Variants in CSRNP3 observed in about 807,000 individuals in gnomAD.
CSRNP3 encodes the protein cysteine and serine rich nuclear protein 3.
A neutral mutation model predicts 48.0 loss-of-function variants in CSRNP3; 12 were observed. The observed-to-expected ratio is 0.25, with a 90% CI of 0.16 to 0.41. The LOEUF is 0.41. Ranked by LOEUF, CSRNP3 falls within the 10% of genes least tolerant of loss-of-function variation. The pLI, the probability that CSRNP3 is intolerant of heterozygous loss-of-function variation, is 1.00. For synonymous variants in CSRNP3, 263 were observed against 269.7 expected (o/e 0.98, Z 0.24); for missense variants, 580 against 724.4 (o/e 0.80, Z 2.29).
chr2:165,639,059 CA>C (rs1301796400), intron 4 of CSRNP3, among the ~76,000 whole-genome samples: 1 of 152,150 alleles, frequency 6.6e-6, no homozygotes, highest in African/African-American at 2.4e-5. Context: ...GATTGATTAA[CA>C]TTAAACTTAT....
chr2:165,472,632 A>G (rs868821126), intron 1 of CSRNP3, among the ~76,000 whole-genome samples: 31 of 152,162 alleles, frequency 2.0e-4, no homozygotes, highest in Admixed American at 2.6e-4. Context: ...CTATTTGTTA[A>G]GAGGAAAAAT....
chr2:165,649,335 G>A (rs932687352), intron 4 of CSRNP3, among the ~76,000 whole-genome samples: 6 of 152,134 alleles, frequency 3.9e-5, no homozygotes, highest in African/African-American at 1.4e-4. Context: ...TATTAGTCTT[G>A]AGGGTAATCC....
At chr2:165,474,052 G>T (rs1243052763) in intron 1 of CSRNP3, among the ~76,000 whole-genome samples, 1 of 151,824 alleles carries the variant, frequency 6.6e-6, no homozygotes, top group African/African-American at 2.4e-5. Context: ...ACTTTACTTA[G>T]ATCAAGAGCT....
intron 4 of CSRNP3, among the ~76,000 whole-genome samples, chr2:165,617,200 G>A (rs949988327): frequency 1.2e-4 from 18 of 152,078 alleles, no homozygotes; most frequent in South Asian, 6.2e-4. Context: ...TACGGTTTTC[G>A]TTTGGAAGTG....
At chr2:165,570,592 C>T (rs1233021074) in intron 3 of CSRNP3, among the ~76,000 whole-genome samples, 1 of 124,804 alleles carries the variant, frequency 8.0e-6, no homozygotes, top group African/African-American at 2.8e-5. Context: ...TGAAGTAATG[C>T]AGTAAAAAAA....
intron 3 of CSRNP3, among the ~76,000 whole-genome samples, chr2:165,589,513 C>T (rs568413227): frequency 3.3e-5 from 5 of 152,240 alleles, no homozygotes; most frequent in South Asian, 4.1e-4. Context: ...ATATGACTCC[C>T]AGTAATTATA....
intron 4 of CSRNP3, among the ~76,000 whole-genome samples, chr2:165,635,847 A>C (rs1307821529): frequency 6.6e-6 from 1 of 152,128 alleles, no homozygotes; most frequent in African/African-American, 2.4e-5. Flanking sequence ...CATGACAAAC[A>C]TGCAACTTTC....
chr2:165,523,508 C>A (rs1167646138), intron 3 of CSRNP3, among the ~76,000 whole-genome samples: 2 of 152,168 alleles, frequency 1.3e-5, no homozygotes, highest in African/African-American at 2.4e-5. Flanking sequence ...ATTTCTAACC[C>A]CATTTAACAG....
intron 5 of CSRNP3, among the ~76,000 whole-genome samples, chr2:165,675,244 T>C (rs1396890810): frequency 6.6e-6 from 1 of 152,156 alleles, no homozygotes; most frequent in East Asian, 1.9e-4. Flanking sequence ...GGATGAACTG[T>C]TGTTAAGCTC....
intron 4 of CSRNP3, among the ~76,000 whole-genome samples, chr2:165,622,326 T>C (rs1332155460): frequency 6.6e-6 from 1 of 152,176 alleles, no homozygotes; most frequent in Non-Finnish European, 1.5e-5. Context: ...TTTGTAGGCA[T>C]CAAAATATTT....
intron 4 of CSRNP3, among the ~76,000 whole-genome samples, chr2:165,607,568 T>G (rs1686052593): frequency 6.6e-6 from 1 of 152,198 alleles, no homozygotes; most frequent in Non-Finnish European, 1.5e-5. Context: ...ACTGTCACAC[T>G]GTATATACAG....
intron 2 of CSRNP3, among the ~76,000 whole-genome samples, chr2:165,511,899 G>A (rs907118566): frequency 2.0e-5 from 3 of 152,128 alleles, no homozygotes; most frequent in Non-Finnish European, 4.4e-5. Flanking sequence ...ATAGCAGGAG[G>A]AGAACTGAAT....
At chr2:165,613,062 C>T (rs114968905) in intron 4 of CSRNP3, among the ~76,000 whole-genome samples, 1 of 152,228 alleles carries the variant, frequency 6.6e-6, no homozygotes, top group African/African-American at 2.4e-5. Context: ...CACCTTTTCT[C>T]CACATTTTTT....
At chr2:165,577,752 T>C (rs1685476476) in intron 3 of CSRNP3, among the ~76,000 whole-genome samples, 1 of 151,834 alleles carries the variant, frequency 6.6e-6, no homozygotes, top group Non-Finnish European at 1.5e-5. Context: ...ATTTTTAACA[T>C]AGTTAATAAT....
chr2:165,527,261 C>A (rs1337856031), intron 3 of CSRNP3, among the ~76,000 whole-genome samples: 2 of 132,168 alleles, frequency 1.5e-5, no homozygotes, highest in East Asian at 4.5e-4. Context: ...GGCTGGAGTG[C>A]AGTGGAGCTA....
chr2:165,601,598 ATGTACT>A, intron 4 of CSRNP3, among the ~76,000 whole-genome samples: 1 of 152,278 alleles, frequency 6.6e-6, no homozygotes, highest in South Asian at 2.1e-4. Context: ...ACATTCATAA[ATGTACT>A]TATACTTTAC....
Position 165,680,016 on chromosome 2 carries a change from C to G in CSRNP3, c.*263C>G, listed in dbSNP as rs961532591. On this transcript the variant is annotated 3_prime_UTR_variant, in exon 7 of 7. Transcript: ENST00000651982. ...AAATGCATATCTCACAGTTGCCTAC[C>G]TGTCAAACTGTGTGAAACCTGCCAA... The G allele has an allele frequency of 4.5e-6, 2 of 441,132 alleles. No individual in the cohort carries two copies. The highest frequency in any genetic ancestry group is 4.1e-5 in the East Asian group (1 of 24,162). The allele number at this position is 441,132 out of a possible 1,614,324, so 27.3% of individuals were successfully genotyped here. A position where few individuals can be genotyped will look rare whatever the true frequency, so the allele number is the denominator to read the frequency against.
Position 165,679,239 on chromosome 2 carries a change from G to C in CSRNP3, c.1244G>C (p.Gly415Ala), listed in dbSNP as rs748633758. The C allele has an allele frequency of 3.7e-6, 6 of 1,613,850 alleles. No individual in the cohort carries two copies. The highest frequency in any genetic ancestry group is 5.1e-6 in the Non-Finnish European group (6 of 1,179,962). ...PLPSVLCYSD[G>A]TAVHESHAKN... is the part of the protein sequence containing the mutation. ...CCTTCAGTTCTTTGTTATTCTGATG[G>C]CACCGCCGTTCACGAAAGCCATGCA... The change falls in exon 7 of 7, where the codon GGC becomes GCC. Residue 415 changes from glycine to alanine, a missense_variant. Physicochemically the swap from Gly to Ala is moderately conservative, Grantham distance 60 (BLOSUM62 0). Around this residue, in one of 4 missense-constraint regions of CSRNP3, gnomAD observed 369 missense variants for 380.8 expected, o/e 0.97. Transcript: ENST00000651982.
chr2:165,524,026 A>G (rs1484891587), intron 3 of CSRNP3, among the ~76,000 whole-genome samples: 1 of 152,340 alleles, frequency 6.6e-6, no homozygotes, highest in Non-Finnish European at 1.5e-5. Context: ...TGGGGTGTCA[A>G]TGTCTAACAG....
Sources: gnomAD v4.1 joint callset for allele counts (sites outside exome capture counted in the v4.1 genomes callset) on GRCh38, gnomAD v4.1.1 for gene constraint, gnomAD v4.1.1 regional missense constraint, MANE v1.5 for transcripts, NCBI Gene and HGNC (gene_info 2026-07-23, HGNC 2026-07-21) for gene names.